Variants in ADGRL2 observed in about 807,000 individuals in gnomAD.
ADGRL2 encodes the protein adhesion G protein-coupled receptor L2.
In ADGRL2, 44 loss-of-function variants were observed where a neutral mutation model predicts 157.4. The ratio of observed to expected loss-of-function variants is 0.28; its 90% confidence interval spans 0.22 to 0.36. The LOEUF is 0.36. Among genes scored for constraint, ADGRL2 ranks in the 10% least tolerant of loss-of-function variants. The pLI, the probability that ADGRL2 is intolerant of heterozygous loss-of-function variation, is 1.00. For missense variants in ADGRL2, 1,510 were observed against 1,768.9 expected (o/e 0.85, Z 2.63); for synonymous variants, 585 against 624.7 (o/e 0.94, Z 0.95).
At chr1:81,821,905 T>A (rs189603925) in intron 1 of ADGRL2, among the ~76,000 whole-genome samples, 4 of 152,260 alleles carry the variant, frequency 2.6e-5, no homozygotes, top group African/African-American at 9.6e-5. Flanking sequence ...AAATGCTGAT[T>A]TGAGGAATGG....
In ADGRL2 at chr1:81,652,221, A is replaced by C. The variant is rs935763874; in HGVS notation, c.-143+71241A>C. On this transcript the variant is annotated intron_variant, in intron 3 of 24. Coordinates refer to the ADGRL2 transcript ENST00000370721. ...AGCTACCTTGTTTCAATTGTTCTCCAAATAAACTACATTTCTGTGGTTTCC... is the reference window on the plus strand; with the variant it reads ...AGCTACCTTGTTTCAATTGTTCTCCCAATAAACTACATTTCTGTGGTTTCC... 2.6e-5 allele frequency among the ~76,000 whole-genome samples: 4 copies of C among 152,342 alleles called. No individual in the cohort carries two copies. The East Asian group carries it at 7.7e-4, about 29-fold the overall frequency.
At chr1:81,878,012 T>C (rs1181448175) in intron 2 of ADGRL2, among the ~76,000 whole-genome samples, 1 of 152,158 alleles carries the variant, frequency 6.6e-6, no homozygotes, top group Non-Finnish European at 1.5e-5. Context: ...AATTTTCCAT[T>C]TGTTTGCTAT....
chr1:81,706,649 A>G (rs1030505571), intron 1 of ADGRL2, among the ~76,000 whole-genome samples: 2 of 152,204 alleles, frequency 1.3e-5, no homozygotes, highest in African/African-American at 4.8e-5. Context: ...AAACTTTTAG[A>G]TCACATACAC....
At chr1:81,920,317 TAAAA>T (rs2094947938) in intron 3 of ADGRL2, among the ~76,000 whole-genome samples, 1 of 152,142 alleles carries the variant, frequency 6.6e-6, no homozygotes, top group African/African-American at 2.4e-5. Flanking sequence ...GAAGTAGTAT[TAAAA>T]GAACTGTCCT....
rs1279831683 is a variant in ADGRL2 at position 81,789,837 on chromosome 1, TA to T, written c.-101+27992del. Among the ~76,000 whole-genome samples the T allele has an allele frequency of 3.9e-5, 6 of 152,112 alleles. No homozygotes were observed. The South Asian group carries it at 1.0e-3, about 26-fold the overall frequency. ...AGTTTACTCTTTAAGATAATATTAATAAAAAAATTTCTGGTGATCTGGCAGG... is the reference window on the plus strand; with the variant it reads ...AGTTTACTCTTTAAGATAATATTAATAAAAAATTTCTGGTGATCTGGCAGG... On this transcript the variant is annotated intron_variant, in intron 2 of 20. Transcript: ENST00000359929.
In ADGRL2 at chr1:81,673,510, A is replaced by ATT. The variant is rs35732882; in HGVS notation, c.-142-88280_-142-88279dup. 4.2e-3 allele frequency among the ~76,000 whole-genome samples: 418 copies of ATT among 100,110 alleles called. 1 individual carries two copies. Among genetic ancestry groups the ATT allele is most frequent in the Middle Eastern group, 6.6e-3 (1 of 152 alleles). 65.7% of individuals were successfully genotyped at this position (100,110 alleles called of 152,430 possible). On this transcript the variant is annotated intron_variant, in intron 3 of 24. Coordinates refer to the ADGRL2 transcript ENST00000370721. ...CTGAGGAACAGAAACTGTGCCTTCT[A>ATT]TTTTTTTTTTTTTTTTTTTTTTGAG... is the stretch of plus-strand genomic sequence containing the variant.
chr1:81,409,281 A>G (rs1447592758), intron 1 of ADGRL2, among the ~76,000 whole-genome samples: 1 of 90,950 alleles, frequency 1.1e-5, no homozygotes. Flanking sequence ...CTACCTCTGG[A>G]AGGAACACAA....
chr1:81,614,705 T>G (rs143136359), intron 3 of ADGRL2, among the ~76,000 whole-genome samples: 3 of 152,202 alleles, frequency 2.0e-5, no homozygotes, highest in African/African-American at 4.8e-5. Flanking sequence ...AGGAAGAGGT[T>G]GTCACCACTG....
chr1:81,942,612 T>C (rs1326772973), intron 5 of ADGRL2, among the ~76,000 whole-genome samples: 1 of 151,868 alleles, frequency 6.6e-6, no homozygotes, highest in Non-Finnish European at 1.5e-5. Context: ...AGGTATAATG[T>C]TTGTAATAAA....
chr1:81,756,044 A>G (rs959503971), intron 1 of ADGRL2, among the ~76,000 whole-genome samples: 3 of 152,176 alleles, frequency 2.0e-5, no homozygotes, highest in African/African-American at 7.2e-5. Flanking sequence ...AATCTAAACC[A>G]AACAAAATCA....
intron 2 of ADGRL2, among the ~76,000 whole-genome samples, chr1:81,858,667 G>T (rs889390556): frequency 1.3e-5 from 2 of 152,006 alleles, no homozygotes; most frequent in South Asian, 2.1e-4. Context: ...ATCAGAATTG[G>T]GGTTGAGTAC....
intron 2 of ADGRL2, among the ~76,000 whole-genome samples, chr1:81,898,196 G>T (rs1162160247): frequency 6.6e-6 from 1 of 152,152 alleles, no homozygotes; most frequent in Non-Finnish European, 1.5e-5. Flanking sequence ...GTTGATGATT[G>T]TGTAGTTATA....
At chr1:81,584,058 G>A (rs2080973041) in intron 3 of ADGRL2, among the ~76,000 whole-genome samples, 1 of 152,112 alleles carries the variant, frequency 6.6e-6, no homozygotes, top group Admixed American at 6.6e-5. Flanking sequence ...TTAGGCACAC[G>A]CTTATGTATA....
chr1:81,872,313 A>G (rs1439371698), intron 2 of ADGRL2, among the ~76,000 whole-genome samples: 2 of 152,190 alleles, frequency 1.3e-5, no homozygotes, highest in African/African-American at 4.8e-5. Context: ...TACCAGTACC[A>G]TGCTGTTTTG....
intron 1 of ADGRL2, among the ~76,000 whole-genome samples, chr1:81,401,842 C>G (rs138117736): frequency 0.011 from 1,672 of 152,242 alleles, 32 homozygotes; most frequent in African/African-American, 0.038. Context: ...CTTTTAACTT[C>G]AAAATCAAAT....
At position 81,986,892 on chromosome 1, in the gene ADGRL2, T is replaced by C. The variant is rs1259155832; in HGVS notation, c.3509-9T>C. 2 of 1,590,964 alleles carry C rather than the reference T, an allele frequency of 1.3e-6. No individual in the cohort carries two copies. The highest frequency in any genetic ancestry group is 3.7e-5 in the Admixed American group (2 of 54,356). On this transcript the variant is annotated splice_polypyrimidine_tract_variant and intron_variant, in intron 21 of 23. Transcript: ENST00000686636. ...TCTGTTTTTTTGTTGTTTTTTTTTT[T>C]TACTTTAGGAATGACTGGCAATTAC...
chr1:81,699,832 T>C (rs1299952980), intron 1 of ADGRL2: 2 of 152,216 alleles, frequency 1.3e-5, no homozygotes, highest in African/African-American at 4.8e-5. Context: ...TATCTCTTTG[T>C]TTGATCATTA....
At chr1:81,548,583 C>T (rs2080074698) in intron 2 of ADGRL2, among the ~76,000 whole-genome samples, 1 of 152,050 alleles carries the variant, frequency 6.6e-6, no homozygotes, top group Admixed American at 6.6e-5. Context: ...TAAGTAGTTT[C>T]ACAAAGTCCT....
intron 1 of ADGRL2, among the ~76,000 whole-genome samples, chr1:81,400,463 G>A (rs1187473010): frequency 1.3e-5 from 2 of 152,092 alleles, no homozygotes; most frequent in East Asian, 1.9e-4. Context: ...ATTTTACCCC[G>A]GGAGACTGGG....
Sources: allele counts gnomAD v4.1 joint callset (sites outside exome capture counted in the v4.1 genomes callset), GRCh38; gene constraint gnomAD v4.1.1; transcripts MANE v1.5; gene names NCBI Gene and HGNC (gene_info 2026-07-23, HGNC 2026-07-21).